Variants in PHACTR1 observed in about 807,000 individuals in gnomAD.
PHACTR1 encodes the protein RPEL repeat containing 1.
Under a neutral mutation model 69.2 loss-of-function variants are expected in PHACTR1, and 16 were observed. That is an observed-to-expected ratio of 0.23 (90% CI 0.16 to 0.35). PHACTR1 has a LOEUF of 0.35. PHACTR1 is among the 10% of genes least tolerant of loss of function. PHACTR1 has a pLI of 1.00. For synonymous variants in PHACTR1, 312 were observed against 284.5 expected (o/e 1.10, Z -0.97); for missense variants, 510 against 734.7 (o/e 0.69, Z 3.54).
chr6:12,849,251 G>A (rs1355006723), intron 4 of PHACTR1, among the ~76,000 whole-genome samples: 1 of 152,232 alleles, frequency 6.6e-6, no homozygotes, highest in African/African-American at 2.4e-5. Flanking sequence ...GAAGACTTAA[G>A]TGCAGAGCCC....
In PHACTR1 at chr6:12,719,259, C is replaced by T. The variant is rs73358026; in HGVS notation, c.103+412C>T. Among the ~76,000 whole-genome samples, 960 of 152,290 alleles carry T rather than the reference C, an allele frequency of 6.3e-3. 8 individuals are homozygous for T. The highest frequency in any genetic ancestry group is 0.021 in the African/African-American group (876 of 41,556). On this transcript the variant is annotated intron_variant, in intron 3 of 14. Transcript: ENST00000332995. ...CAGGATTAGGGGCTCTTGAGAGAAG[C>T]GCTGAGCTTCTCTATAGCTGCCTTC...
intron 5 of PHACTR1, among the ~76,000 whole-genome samples, chr6:13,080,309 G>A (rs1311975464): frequency 6.6e-6 from 1 of 152,134 alleles, no homozygotes; most frequent in African/African-American, 2.4e-5. Flanking sequence ...TGTCTATCCA[G>A]AGAGCTCTGT....
intron 4 of PHACTR1, among the ~76,000 whole-genome samples, chr6:13,034,544 T>TC (rs1802999351): frequency 6.6e-6 from 1 of 152,178 alleles, no homozygotes; most frequent in South Asian, 2.1e-4. Flanking sequence ...CTACTGTTTC[T>TC]CCCCCAGTGG....
chr6:13,004,105 T>A (rs1562120371), intron 4 of PHACTR1, among the ~76,000 whole-genome samples: 1 of 151,114 alleles, frequency 6.6e-6, no homozygotes, highest in Admixed American at 6.6e-5. Flanking sequence ...CTTTTTAATA[T>A]AATGATTTAT....
At chr6:13,260,141 A>T (rs1775711670) in intron 10 of PHACTR1, among the ~76,000 whole-genome samples, 1 of 152,226 alleles carries the variant, frequency 6.6e-6, no homozygotes, top group Non-Finnish European at 1.5e-5. Context: ...TACTAAGAAC[A>T]CAGAGATAAA....
chr6:13,135,580 G>T (rs1336389143), intron 5 of PHACTR1, among the ~76,000 whole-genome samples: 4 of 152,164 alleles, frequency 2.6e-5, no homozygotes, highest in Non-Finnish European at 5.9e-5. Context: ...TTAGCCCACA[G>T]GTCTTAATCA....
intron 4 of PHACTR1, among the ~76,000 whole-genome samples, chr6:12,899,441 A>T (rs1187807255): frequency 6.6e-6 from 1 of 152,232 alleles, no homozygotes; most frequent in African/African-American, 2.4e-5. Context: ...AAACTGTTAA[A>T]ATAGCCCAGC....
rs566264303 is a variant in PHACTR1, at chr6:12,935,214, G to A, written c.251-118151G>A. On this transcript the variant is annotated intron_variant, in intron 4 of 14. Coordinates refer to ENST00000332995, the MANE Select transcript of PHACTR1 (RefSeq NM_030948.6). ...AAGAACAAACAAGGACCAAAAGTATGATGTAACTTATACACTGATGTTATT... is the reference window on the plus strand; with the variant it reads ...AAGAACAAACAAGGACCAAAAGTATAATGTAACTTATACACTGATGTTATT... 2.6e-5 allele frequency among the ~76,000 whole-genome samples: 4 copies of A among 152,176 alleles called. No individual in the cohort carries two copies. In the East Asian group the frequency reaches 7.7e-4, roughly 29 times the overall value.
chr6:12,746,520 A>G (rs529231579), intron 3 of PHACTR1, among the ~76,000 whole-genome samples: 5 of 152,216 alleles, frequency 3.3e-5, no homozygotes, highest in Non-Finnish European at 7.3e-5. Flanking sequence ...CCTGGGTGAC[A>G]GAGTGAGAGC....
chr6:13,093,444 C>G (rs1813618321), intron 5 of PHACTR1, among the ~76,000 whole-genome samples: 1 of 152,110 alleles, frequency 6.6e-6, no homozygotes, highest in Admixed American at 6.6e-5. Flanking sequence ...AATCAGCCTC[C>G]CACGGCCATC....
intron 4 of PHACTR1, among the ~76,000 whole-genome samples, chr6:13,038,504 A>G (rs1395912167): frequency 6.6e-6 from 1 of 151,788 alleles, no homozygotes; most frequent in Non-Finnish European, 1.5e-5. Flanking sequence ...AAAAAAAAAA[A>G]AAAGGAAGGA....
At chr6:12,978,134 G>A (rs1795107233) in intron 4 of PHACTR1, among the ~76,000 whole-genome samples, 2 of 152,008 alleles carry the variant, frequency 1.3e-5, no homozygotes, top group Non-Finnish European at 1.5e-5. Flanking sequence ...ATCCTGCCTG[G>A]CCTGGTTTGC....
At chr6:12,992,767 T>TC (rs1251180064) in intron 4 of PHACTR1, among the ~76,000 whole-genome samples, 1 of 152,136 alleles carries the variant, frequency 6.6e-6, no homozygotes, top group Non-Finnish European at 1.5e-5. Context: ...AGAGAGGGGC[T>TC]CCCGAGTGGG....
At chr6:13,171,118 G>A (rs1055001933) in intron 6 of PHACTR1, among the ~76,000 whole-genome samples, 3 of 152,086 alleles carry the variant, frequency 2.0e-5, no homozygotes, top group Non-Finnish European at 4.4e-5. Flanking sequence ...TGTTCTCCCT[G>A]CTCTTCTGCT....
At chr6:13,126,865 C>T (rs1166806710) in intron 5 of PHACTR1, among the ~76,000 whole-genome samples, 2 of 152,214 alleles carry the variant, frequency 1.3e-5, no homozygotes, top group Non-Finnish European at 2.9e-5. Flanking sequence ...CTATATACAT[C>T]GTAGGAGAGG....
chr6:13,174,874 G>T (rs1468477874), intron 6 of PHACTR1, among the ~76,000 whole-genome samples: 1 of 152,108 alleles, frequency 6.6e-6, no homozygotes, highest in African/African-American at 2.4e-5. Flanking sequence ...AGGATGGATG[G>T]ATGGAAGGAA....
At chr6:13,052,639 A>T (rs1357242189) in intron 4 of PHACTR1, among the ~76,000 whole-genome samples, 1 of 152,236 alleles carries the variant, frequency 6.6e-6, no homozygotes, top group African/African-American at 2.4e-5. Flanking sequence ...TTGAAAGTTG[A>T]ATATGCTCAA....
rs1762313204 is a variant in PHACTR1, at chr6:13,182,534, T to C, written c.512T>C (p.Ile171Thr). The C allele has an allele frequency of 1.2e-6, 2 of 1,613,784 alleles. No homozygotes were observed. The highest frequency in any genetic ancestry group is 1.7e-5 in the Admixed American group (1 of 60,010). Residue 171 changes from isoleucine (I) to threonine (T), a missense_variant, in exon 7 of 15, where the codon ATA (isoleucine) becomes ACA (threonine). By Grantham distance (89) the Ile-to-Thr change is moderately conservative (BLOSUM62 -1). Around this residue, in one of 2 missense-constraint regions of PHACTR1, gnomAD observed 419 missense variants for 530.9 expected, o/e 0.79. Coordinates refer to ENST00000332995, the MANE Select transcript of PHACTR1 (RefSeq NM_030948.6). ...TCTCTGACAGATGGGGAACTCTCTA[T>C]ATCCAATGAAGAGGACTCCCTAGAA... is the stretch of plus-strand genomic sequence containing the variant. Reference protein sequence around the residue: ...EIYDKDGELSISNEEDSLENG... With the variant: ...EIYDKDGELSTSNEEDSLENG...
chr6:12,915,419 A>G (rs2127501469), intron 4 of PHACTR1, among the ~76,000 whole-genome samples: 1 of 150,896 alleles, frequency 6.6e-6, no homozygotes, highest in African/African-American at 2.4e-5. Flanking sequence ...AGGCAGGAGA[A>G]TCGCTTGAAC....
Sources: allele counts gnomAD v4.1 joint callset (sites outside exome capture counted in the v4.1 genomes callset), GRCh38; gene constraint gnomAD v4.1.1; regional missense constraint gnomAD v4.1.1; transcripts MANE v1.5; gene names NCBI Gene and HGNC (gene_info 2026-07-23, HGNC 2026-07-21).